Variants in PON2 observed in about 807,000 individuals in gnomAD.
PON2 encodes serum paraoxonase/arylesterase 2.
PON2 carries 27 observed loss-of-function variants against 36.6 expected under a neutral mutation model. That is an observed-to-expected ratio of 0.74 (90% CI 0.54 to 1.02). The LOEUF is 1.02. PON2 is among the 50% of genes least tolerant of loss of function. The pLI, the probability that PON2 is intolerant of heterozygous loss-of-function variation, is 0.00. For missense variants in PON2, 363 were observed against 421.1 expected, an observed-to-expected ratio of 0.86 and a Z score of 1.21; for synonymous variants, 149 against 156.3, an observed-to-expected ratio of 0.95 and a Z score of 0.35.
rs770357346 is a variant in PON2, at chr7:95,409,998, G to GT, written c.597dup (p.His200ThrfsTer12). The GT allele has an allele frequency of 1.2e-5, 19 of 1,613,574 alleles. No homozygotes were observed. Among genetic ancestry groups the GT allele is most frequent in the Admixed American group, 5.0e-5 (3 of 59,982 alleles). ...CTGTAGTAAACAACATTTGCCCAGT[G>GT]TAAGTTCAAGTATGTTTCTAAATAC... On this transcript the variant is annotated frameshift_variant, in exon 6 of 9. Transcript: ENST00000222572. LOFTEE classifies it high-confidence loss of function.
At chr7:95,428,685 G>A (rs187514287) in intron 1 of PON2, among the ~76,000 whole-genome samples, 11 of 152,272 alleles carry the variant, frequency 7.2e-5, no homozygotes, top group Admixed American at 3.9e-4. Flanking sequence ...AAATAGCTTG[G>A]TAGCAGTATT....
intron 2 of PON2, among the ~76,000 whole-genome samples, chr7:95,421,568 C>T (rs1055303292): frequency 6.6e-6 from 1 of 152,160 alleles, no homozygotes; most frequent in Admixed American, 6.6e-5. Flanking sequence ...GACTCTTGAA[C>T]TGTCTGCATG....
chr7:95,407,303 T>C (rs895937965), intron 6 of PON2, among the ~76,000 whole-genome samples: 2 of 152,148 alleles, frequency 1.3e-5, no homozygotes, highest in African/African-American at 4.8e-5. Context: ...TAAGGAAAAA[T>C]AATATAGAAC....
Position 95,422,222 on chromosome 7 carries a change from C to T in PON2, c.145+2293G>A, listed in dbSNP as rs545514746. Among the ~76,000 whole-genome samples, 310 of 152,218 alleles carry T rather than the reference C, an allele frequency of 2.0e-3. 22 individuals are homozygous for T. The highest frequency in any genetic ancestry group is 1.6e-3 in the Non-Finnish European group (112 of 68,020). On this transcript the variant is annotated intron_variant, in intron 2 of 8. Coordinates refer to ENST00000222572, the MANE Select transcript of PON2 (RefSeq NM_000305.3). ...ATATGCTGATGTGGAAAGCTGCTCA[C>T]ACTGTTTTAGGAATGAAGAAGGTTG...
At chr7:95,415,246 T>G (rs1789034293) in intron 3 of PON2, 1 of 152,210 alleles carries the variant, frequency 6.6e-6, no homozygotes, top group Admixed American at 6.5e-5. Context: ...AGGTAGGTGG[T>G]CAGAACCTCC....
At chr7:95,424,619 A>AG in intron 1 of PON2, 34 bp from the exon 2 acceptor site, 1 of 1,551,796 alleles carries the variant, frequency 6.4e-7, no homozygotes, top group Non-Finnish European at 8.9e-7. Context: ...AAAACAAAAA[A>AG]CTATTTGTTT....
Position 95,410,050 on chromosome 7 carries a change from G to A in PON2, c.546C>T (p.Asp182=), listed in dbSNP as rs752626239. The A allele has an allele frequency of 3.1e-6, 5 of 1,613,660 alleles. No individual in the cohort carries two copies. The highest frequency in any genetic ancestry group is 4.2e-6 in the Non-Finnish European group (5 of 1,179,850). The change falls in exon 6 of 9, where the codon GAC becomes GAT. Residue 182 remains aspartate, a synonymous_variant. Coordinates refer to ENST00000222572, the MANE Select transcript of PON2 (RefSeq NM_000305.3). ...VGPAHFYATN[D]HYFSDPFLKY... is the part of the protein sequence containing the mutation. ...TTAAGAAAGGATCAGAGAAGTAGTG[G>A]TCATTTGTGGCATAGAAATGTGCCG...
chr7:95,434,426 GT>G (rs1350991979), intron 1 of PON2: 1 of 169,314 alleles, frequency 5.9e-6, no homozygotes, highest in African/African-American at 2.4e-5. Context: ...GCAGAAATGG[GT>G]GGAGAACAAC....
chr7:95,417,526 C>G (rs920007749), intron 2 of PON2, among the ~76,000 whole-genome samples: 2 of 151,792 alleles, frequency 1.3e-5, no homozygotes, highest in Admixed American at 1.3e-4. Context: ...AAAAACGGTC[C>G]TTGATTTTCA....
chr7:95,432,280 T>C (rs959961388), intron 1 of PON2, among the ~76,000 whole-genome samples: 1 of 152,104 alleles, frequency 6.6e-6, no homozygotes, highest in Non-Finnish European at 1.5e-5. Flanking sequence ...CATGGTAGCA[T>C]GCATCTGTAG....
intron 1 of PON2, among the ~76,000 whole-genome samples, chr7:95,429,437 C>T (rs532370707): frequency 1.1e-3 from 165 of 152,206 alleles, no homozygotes; most frequent in African/African-American, 3.7e-3. Flanking sequence ...CTATCATTGA[C>T]GGACATTTGG....
In PON2 at chr7:95,416,377, C is replaced by T. The variant is rs1650338942; in HGVS notation, c.146-80G>A. 6 of 1,444,922 alleles carry T rather than the reference C, an allele frequency of 4.2e-6. No homozygotes were observed. The South Asian group carries it at 5.8e-5, about 14-fold the overall frequency. 89.5% of individuals were successfully genotyped at this position (1,444,922 alleles called of 1,614,324 possible). ...CAGAGCATAACTGGGACTCTGTTTA[C>T]TTTATCAGAGTGACTGTATCTTTAG... On this transcript the variant is annotated intron_variant, in intron 2 of 8. Coordinates refer to ENST00000222572, the MANE Select transcript of PON2 (RefSeq NM_000305.3).
At chr7:95,409,278 C>T (rs1809796817) in intron 6 of PON2, among the ~76,000 whole-genome samples, 2 of 151,918 alleles carry the variant, frequency 1.3e-5, no homozygotes, top group Non-Finnish European at 2.9e-5. Flanking sequence ...TGCCATTGCA[C>T]TCCAGCCTGG....
chr7:95,430,250 T>C (rs1300588817), intron 1 of PON2, among the ~76,000 whole-genome samples: 1 of 151,924 alleles, frequency 6.6e-6, no homozygotes, highest in Admixed American at 6.6e-5. Context: ...GGATCACTTA[T>C]GGCTAGAAGT....
At chr7:95,421,417 C>T (rs1190000509) in intron 2 of PON2, among the ~76,000 whole-genome samples, 1 of 152,176 alleles carries the variant, frequency 6.6e-6, no homozygotes, top group South Asian at 2.1e-4. Flanking sequence ...GCAAAAGTAA[C>T]CTAAGAGATC....
At chr7:95,427,243 T>C (rs1317121312) in intron 1 of PON2, among the ~76,000 whole-genome samples, 1 of 152,184 alleles carries the variant, frequency 6.6e-6, no homozygotes, top group African/African-American at 2.4e-5. Context: ...CCAGACTTTT[T>C]CCCTGGCAGA....
chr7:95,423,754 C>T (rs767708532), intron 2 of PON2, among the ~76,000 whole-genome samples: 9 of 152,044 alleles, frequency 5.9e-5, no homozygotes, highest in Non-Finnish European at 1.3e-4. Flanking sequence ...TACCTGAGAC[C>T]GGGTAATTTA....
intron 2 of PON2, among the ~76,000 whole-genome samples, chr7:95,417,207 T>C (rs1049922467): frequency 2.6e-5 from 4 of 152,168 alleles, no homozygotes; most frequent in Admixed American, 2.0e-4. Context: ...ACAGCATCTA[T>C]CTATCCAGCC....
At chr7:95,434,039 A>G (rs1789504502) in intron 1 of PON2, among the ~76,000 whole-genome samples, 1 of 152,136 alleles carries the variant, frequency 6.6e-6, no homozygotes, top group Non-Finnish European at 1.5e-5. Flanking sequence ...TCTTTCTGGA[A>G]CTCTTTTGCA....
Sources: allele counts gnomAD v4.1 joint callset (sites outside exome capture counted in the v4.1 genomes callset), GRCh38; gene constraint gnomAD v4.1.1; transcripts MANE v1.5; gene names NCBI Gene and HGNC (gene_info 2026-07-23, HGNC 2026-07-21).